The following CACNA2D3 variants were observed in gnomAD, a reference collection of about 807,000 sequenced individuals.
The protein encoded by CACNA2D3 is calcium voltage-gated channel auxiliary subunit alpha2delta 3.
Under a neutral mutation model 160.6 loss-of-function variants are expected in CACNA2D3, and 60 were observed. That is an observed-to-expected ratio of 0.37 (90% confidence interval 0.30 to 0.46). CACNA2D3 has a LOEUF of 0.46. Ranked by LOEUF, CACNA2D3 falls within the 20% of genes least tolerant of loss-of-function variation. The pLI is 1.00. For missense variants in CACNA2D3, 1,205 were observed against 1,365.0 expected, an observed-to-expected ratio of 0.88 and a Z score of 1.85; for synonymous variants, 558 against 492.9, an observed-to-expected ratio of 1.13 and a Z score of -1.75.
intron 4 of CACNA2D3, among the ~76,000 whole-genome samples, chr3:54,478,160 A>G (rs1342360277): frequency 6.6e-6 from 1 of 152,142 alleles, no homozygotes; most frequent in African/African-American, 2.4e-5. Flanking sequence ...GAATGCTACA[A>G]AGTTATCTTT....
rs371459087 is a variant in CACNA2D3 at position 54,807,388 on chromosome 3, G to A, written c.1381-9465G>A. On this transcript the variant is annotated intron_variant, in intron 13 of 37. Coordinates refer to ENST00000474759, the MANE Select transcript of CACNA2D3 (RefSeq NM_018398.3). ...AAACAAACAACCCCATCAAAAAGTGGGCGAAGGACATGAGCAGACACTTCT... is the reference window on the plus strand; with the variant it reads ...AAACAAACAACCCCATCAAAAAGTGAGCGAAGGACATGAGCAGACACTTCT... 3.3e-4 allele frequency among the ~76,000 whole-genome samples: 50 copies of A among 152,218 alleles called. No individual in the cohort carries two copies. In the East Asian group the frequency reaches 8.1e-3, roughly 25 times the overall value.
intron 35 of CACNA2D3, among the ~76,000 whole-genome samples, chr3:55,030,337 G>C (rs1235088404): frequency 1.3e-5 from 2 of 152,124 alleles, no homozygotes; most frequent in East Asian, 3.9e-4. Context: ...ACATTGAAAA[G>C]ATTTTCAATG....
At chr3:54,427,446 T>C (rs1699927230) in intron 4 of CACNA2D3, among the ~76,000 whole-genome samples, 1 of 152,128 alleles carries the variant, frequency 6.6e-6, no homozygotes, top group African/African-American at 2.4e-5. Context: ...ATTTTCAAAT[T>C]AAGATACTTT....
intron 5 of CACNA2D3, among the ~76,000 whole-genome samples, chr3:54,513,742 G>A (rs1357526558): frequency 1.3e-5 from 2 of 152,122 alleles, no homozygotes; most frequent in East Asian, 1.9e-4. Flanking sequence ...GTGCAGTGGT[G>A]CGATCTCAGC....
chr3:54,422,482 A>G (rs1699852348), intron 4 of CACNA2D3, among the ~76,000 whole-genome samples: 1 of 152,212 alleles, frequency 6.6e-6, no homozygotes, highest in African/African-American at 2.4e-5. Context: ...ACAATATCAA[A>G]ATAAAAACTC....
rs377615836 is a variant in CACNA2D3, at chr3:54,642,208, A to G, written c.1134A>G (p.Thr378=). Residue 378 remains threonine (T), a synonymous_variant, in exon 11 of 38, where the codon ACA becomes ACG. Transcript: ENST00000474759. ...ITDGAVDTYD[T]IFAKYNWPDR... ...ATGGGGCGGTGGACACCTATGATAC[A>G]ATCTTTGCAAAATACAATTGGCCAG... 1.2e-6 allele frequency: 2 copies of G among 1,612,614 alleles called. No individual in the cohort carries two copies. The highest frequency in any genetic ancestry group is 8.5e-7 in the Non-Finnish European group (1 of 1,179,302).
At chr3:54,551,004 G>A (rs192676202) in intron 5 of CACNA2D3, among the ~76,000 whole-genome samples, 8 of 152,236 alleles carry the variant, frequency 5.3e-5, no homozygotes, top group East Asian at 1.9e-4. Context: ...CCCTTCCAGC[G>A]CCACTCACCT....
chr3:54,958,609 G>A (rs1008879700), intron 27 of CACNA2D3, among the ~76,000 whole-genome samples: 8 of 152,166 alleles, frequency 5.3e-5, no homozygotes, highest in East Asian at 1.9e-4. Flanking sequence ...TTCTGAGCAC[G>A]AATTTTCTGG....
chr3:54,155,117 C>G (rs1429324602), intron 2 of CACNA2D3, among the ~76,000 whole-genome samples: 1 of 152,184 alleles, frequency 6.6e-6, no homozygotes. Flanking sequence ...GGCCTGTCCT[C>G]TCTCTGTAAA....
intron 11 of CACNA2D3, among the ~76,000 whole-genome samples, chr3:54,736,046 CACATACAT>C (rs1249516999): frequency 0.1 from 7,136 of 70,626 alleles, 554 homozygotes; most frequent in Non-Finnish European, 0.12. Context: ...TATATATATA[CACATACAT>C]ATGTATGTAT....
chr3:54,588,536 G>A (rs1185649559), intron 9 of CACNA2D3, among the ~76,000 whole-genome samples: 1 of 151,754 alleles, frequency 6.6e-6, no homozygotes, highest in African/African-American at 2.4e-5. Context: ...ACATGATTGT[G>A]TACATAGAAA....
chr3:54,414,903 A>G (rs913438019), intron 4 of CACNA2D3, among the ~76,000 whole-genome samples: 1 of 151,600 alleles, frequency 6.6e-6, no homozygotes, highest in African/African-American at 2.4e-5. Context: ...AATTCATTTT[A>G]AACACAATAT....
At chr3:54,964,638 C>G (rs1450495901) in intron 27 of CACNA2D3, among the ~76,000 whole-genome samples, 1 of 151,982 alleles carries the variant, frequency 6.6e-6, no homozygotes, top group East Asian at 1.9e-4. Context: ...CGTGTTTTCT[C>G]TGATAAAGGT....
At position 54,458,878 on chromosome 3, in the gene CACNA2D3, C is replaced by T. The variant is rs574102064; in HGVS notation, c.382-44614C>T. Among the ~76,000 whole-genome samples, 185 of 151,974 alleles carry T rather than the reference C, an allele frequency of 1.2e-3. 1 individual carries two copies. Among genetic ancestry groups the T allele is most frequent in the South Asian group, 4.4e-3 (21 of 4,796 alleles). ...TGCTGGTGTGCTGCACCCATTAACT[C>T]GTCATTTAGCATTAGGTATATCTCC... On this transcript the variant is annotated intron_variant, in intron 4 of 37. Transcript: ENST00000474759.
At chr3:54,803,911 A>C (rs1002672164) in intron 13 of CACNA2D3, among the ~76,000 whole-genome samples, 1 of 152,224 alleles carries the variant, frequency 6.6e-6, no homozygotes, top group African/African-American at 2.4e-5. Flanking sequence ...CAACATTCTT[A>C]AAGAAAAGAA....
At chr3:54,169,910 G>A (rs936550040) in intron 2 of CACNA2D3, among the ~76,000 whole-genome samples, 2 of 152,088 alleles carry the variant, frequency 1.3e-5, no homozygotes, top group Admixed American at 6.6e-5. Context: ...AGAAATGGCC[G>A]AGCGTGGTGG....
At position 54,865,488 on chromosome 3, in the gene CACNA2D3, C is replaced by T. The variant is rs150907426; in HGVS notation, c.1627-6051C>T. ...CCACTGGGGCTGCCTTTCCCCGGGG[C>T]CACCTCCTCTGAGTCTGTTGCAACC... On this transcript the variant is annotated intron_variant, in intron 17 of 37. Coordinates refer to ENST00000474759, the MANE Select transcript of CACNA2D3 (RefSeq NM_018398.3). 3.8e-3 allele frequency among the ~76,000 whole-genome samples: 585 copies of T among 152,320 alleles called. 4 individuals are homozygous for T. The highest frequency in any genetic ancestry group is 6.8e-3 in the Middle Eastern group (2 of 294).
chr3:54,871,647 G>C (rs180882454), intron 18 of CACNA2D3, 25 bp downstream of exon 18: 3 of 1,556,504 alleles, frequency 1.9e-6, no homozygotes, highest in African/African-American at 1.4e-5. Context: ...TTCAGGCCTC[G>C]TGGAGAAGGA....
intron 11 of CACNA2D3, among the ~76,000 whole-genome samples, chr3:54,715,073 C>G (rs759913061): frequency 3.9e-5 from 6 of 152,168 alleles, no homozygotes; most frequent in Non-Finnish European, 7.3e-5. Flanking sequence ...AGGTTGAGGA[C>G]TGTCCCTCAA....
Sources: gnomAD v4.1 joint callset for allele counts (sites outside exome capture counted in the v4.1 genomes callset) on GRCh38, gnomAD v4.1.1 for gene constraint, MANE v1.5 for transcripts, NCBI Gene and HGNC (gene_info 2026-07-23, HGNC 2026-07-21) for gene names.